Variants in GYS2 observed in about 807,000 individuals in gnomAD.
GYS2 encodes the protein glycogen synthase 2.
A neutral mutation model predicts 85.6 loss-of-function variants in GYS2; 80 were observed. That is an observed-to-expected ratio of 0.93 (90% CI 0.78 to 1.13). GYS2 has a LOEUF of 1.13. GYS2 is among the 50% of genes most tolerant of loss of function. GYS2 has a pLI of 0.00. For synonymous variants in GYS2, 328 were observed against 300.7 expected, an observed-to-expected ratio of 1.09 and a Z score of -0.94; for missense variants, 881 against 854.9, an observed-to-expected ratio of 1.03 and a Z score of -0.38.
chr12:21,546,473 A>G lies in GYS2; in HGVS notation c.1423-3T>C. ...AGAAACTCTGGGTGCAAAATCACCT[A>G]AAAAAGGAAAATTCTAATTTAAAAA... is the stretch of plus-strand genomic sequence containing the variant. On this transcript the variant is annotated splice_polypyrimidine_tract_variant and splice_region_variant and intron_variant, in intron 11 of 15. Coordinates refer to ENST00000261195, the MANE Select transcript of GYS2 (RefSeq NM_021957.4). The G allele has an allele frequency of 6.3e-6, 10 of 1,581,876 alleles. No individual in the cohort carries two copies. The highest frequency in any genetic ancestry group is 3.4e-5 in the South Asian group (3 of 87,976).
chr12:21,548,599 A>G (rs1046262338), intron 11 of GYS2, among the ~76,000 whole-genome samples: 4 of 152,170 alleles, frequency 2.6e-5, no homozygotes, highest in African/African-American at 7.2e-5. Flanking sequence ...GCTTCTGAAC[A>G]TTTAACTACT....
At chr12:21,557,115 A>C (rs565080758) in intron 11 of GYS2, among the ~76,000 whole-genome samples, 22 of 152,366 alleles carry the variant, frequency 1.4e-4, no homozygotes, top group Non-Finnish European at 2.8e-4. Context: ...AGGAGTTCAT[A>C]ATTTATTTAA....
At chr12:21,579,889 T>TCC (rs1944489633) in intron 2 of GYS2, among the ~76,000 whole-genome samples, 2 of 152,230 alleles carry the variant, frequency 1.3e-5, no homozygotes, top group Non-Finnish European at 2.9e-5. Flanking sequence ...AGGTAGCATA[T>TCC]TCACAGCTTC....
At chr12:21,597,259 A>G (rs1944706911) in intron 1 of GYS2, among the ~76,000 whole-genome samples, 1 of 152,168 alleles carries the variant, frequency 6.6e-6, no homozygotes, top group Admixed American at 6.6e-5. Flanking sequence ...CAATCAACAC[A>G]GTGAAGAGAC....
chr12:21,595,762 T>G (rs1407120436), intron 1 of GYS2, among the ~76,000 whole-genome samples: 1 of 152,118 alleles, frequency 6.6e-6, no homozygotes, highest in Non-Finnish European at 1.5e-5. Context: ...TAAACATATA[T>G]GCACCTAACA....
At chr12:21,596,279 A>T (rs1465868581) in intron 1 of GYS2, among the ~76,000 whole-genome samples, 1 of 152,062 alleles carries the variant, frequency 6.6e-6, no homozygotes, top group Non-Finnish European at 1.5e-5. Context: ...CACCAAAACC[A>T]GGGAAGGACA....
At chr12:21,575,835 C>T (rs775050922) in intron 3 of GYS2, 31 bp downstream of exon 3, 2 of 1,536,890 alleles carry the variant, frequency 1.3e-6, no homozygotes, top group South Asian at 1.1e-5. Context: ...TGTGCTGCTC[C>T]TCCGTTGTAT....
At chr12:21,553,161 C>T (rs1219288122) in intron 11 of GYS2, among the ~76,000 whole-genome samples, 3 of 152,178 alleles carry the variant, frequency 2.0e-5, no homozygotes, top group Non-Finnish European at 4.4e-5. Flanking sequence ...GTGATCCCCC[C>T]GCCTCAGTCT....
chr12:21,551,069 T>A (rs1424727779), intron 11 of GYS2, among the ~76,000 whole-genome samples: 1 of 151,886 alleles, frequency 6.6e-6, no homozygotes, highest in Non-Finnish European at 1.5e-5. Flanking sequence ...TGCAGGTTAG[T>A]TACATACGTA....
Position 21,536,382 on chromosome 12 carries a change from G to A in GYS2, c.*572C>T, listed in dbSNP as rs1005375882. The stretch of plus-strand genomic sequence containing the variant: ...TCTAGATTTCAAAAGTGACATAAAT[G>A]TCCATTAATATGCATCAAAATATGG... On this transcript the variant is annotated 3_prime_UTR_variant, in exon 16 of 16. Coordinates refer to ENST00000261195, the MANE Select transcript of GYS2 (RefSeq NM_021957.4). 2 of 154,944 alleles carry A rather than the reference G, an allele frequency of 1.3e-5. No homozygotes were observed. The highest frequency in any genetic ancestry group is 4.8e-5 in the African/African-American group (2 of 41,440). 9.6% of individuals were successfully genotyped at this position (154,944 alleles called of 1,614,324 possible). A position where few individuals can be genotyped will look rare whatever the true frequency, so the allele number is the denominator to read the frequency against.
intron 1 of GYS2, among the ~76,000 whole-genome samples, chr12:21,580,986 C>T (rs918657691): frequency 6.6e-6 from 1 of 152,188 alleles, no homozygotes; most frequent in Admixed American, 6.5e-5. Context: ...CAAATAACAG[C>T]TGCTGTGGTT....
chr12:21,599,264 T>G (rs1052577582), intron 1 of GYS2, among the ~76,000 whole-genome samples: 1 of 152,126 alleles, frequency 6.6e-6, no homozygotes, highest in Non-Finnish European at 1.5e-5. Flanking sequence ...CAAAACACAG[T>G]TGCAGAAGCA....
chr12:21,598,045 G>A (rs1330495674), intron 1 of GYS2, among the ~76,000 whole-genome samples: 1 of 152,058 alleles, frequency 6.6e-6, no homozygotes, highest in Non-Finnish European at 1.5e-5. Context: ...GTAGAGAAAG[G>A]TGTGTACGTT....
chr12:21,575,739 T>C (rs1235965783), intron 3 of GYS2, 127 bp downstream of exon 3: 4 of 762,852 alleles, frequency 5.2e-6, no homozygotes, highest in African/African-American at 3.4e-5. Context: ...TTTCTTTCAA[T>C]TGTATTAGGA....
rs1871128 is a variant in GYS2, at chr12:21,540,310, T to A, written c.1809+100A>T. ...GGAGACACTGAGATTTTAACAATTA[T>A]AATATTGGATTAACTTTAGAGATTA... On this transcript the variant is annotated intron_variant, in intron 14 of 15. Transcript: ENST00000261195. 200,881 of 1,033,334 alleles carry A rather than the reference T, an allele frequency of 0.19. 20,721 individuals are homozygous for A. Among genetic ancestry groups the A allele is most frequent in the Middle Eastern group, 0.33 (1,137 of 3,448 alleles). The allele number at this position is 1,033,334 out of a possible 1,614,324, so 64.0% of individuals were successfully genotyped here.
At chr12:21,598,058 G>A (rs1243478365) in intron 1 of GYS2, among the ~76,000 whole-genome samples, 1 of 152,016 alleles carries the variant, frequency 6.6e-6, no homozygotes, top group East Asian at 1.9e-4. Context: ...TGTACGTTAT[G>A]GGAGGAAGGG....
chr12:21,585,871 G>A (rs778094135), intron 1 of GYS2, among the ~76,000 whole-genome samples: 1 of 152,182 alleles, frequency 6.6e-6, no homozygotes, highest in Non-Finnish European at 1.5e-5. Context: ...ATTTGCAATG[G>A]GGATTGGTGC....
intron 1 of GYS2, among the ~76,000 whole-genome samples, chr12:21,602,423 G>T (rs907792206): frequency 5.3e-5 from 8 of 151,954 alleles, no homozygotes; most frequent in African/African-American, 1.9e-4. Flanking sequence ...ACTATGAAAT[G>T]CAGGGAAGTA....
chr12:21,581,232 A>G (rs1944506129), intron 1 of GYS2, among the ~76,000 whole-genome samples: 1 of 152,156 alleles, frequency 6.6e-6, no homozygotes. Context: ...TCTGCCTCCA[A>G]AGAAAGAAGA....
Sources: allele counts gnomAD v4.1 joint callset (sites outside exome capture counted in the v4.1 genomes callset), GRCh38; gene constraint gnomAD v4.1.1; transcripts MANE v1.5; gene names NCBI Gene and HGNC (gene_info 2026-07-23, HGNC 2026-07-21).